Variants in FAM193A observed in about 807,000 individuals in gnomAD.
FAM193A encodes the protein protein FAM193A.
Under a neutral mutation model 126.5 loss-of-function variants are expected in FAM193A, and 22 were observed. That is an observed-to-expected ratio of 0.17 (90% confidence interval 0.12 to 0.25). FAM193A has a LOEUF of 0.25. Ranked by LOEUF, FAM193A falls within the 10% of genes least tolerant of loss-of-function variation. The pLI, the probability that FAM193A is intolerant of heterozygous loss-of-function variation, is 1.00. For synonymous variants in FAM193A, 761 were observed against 646.8 expected (o/e 1.18, Z -2.68); for missense variants, 1,675 against 1,672.8 (o/e 1.00, Z -0.02).
At chr4:2,552,570 G>A (rs1439060009) in intron 1 of FAM193A, among the ~76,000 whole-genome samples, 6 of 151,632 alleles carry the variant, frequency 4.0e-5, no homozygotes, top group African/African-American at 1.2e-4. Flanking sequence ...ACGGAGTCTC[G>A]CTCTGTCCCC....
At chr4:2,535,592 A>G (rs951683128), upstream of FAM193A, among the ~76,000 whole-genome samples, 26 of 152,194 alleles carry the variant, frequency 1.7e-4, no homozygotes, top group African/African-American at 6.3e-4. Context: ...CCCGGGTCTC[A>G]GGGCAGAGCT....
Position 2,700,502 on chromosome 4 carries a change from A to C in FAM193A, c.4330A>C (p.Lys1444Gln). 1 of 1,613,086 alleles carries C rather than the reference A, an allele frequency of 6.2e-7. No homozygotes were observed. The highest frequency in any genetic ancestry group is 8.5e-7 in the Non-Finnish European group (1 of 1,179,760). ...CCCTCAGCCAAAGGGCAAGAACAAG[A>C]AAAATAAGAAGAAGAAAGGAGACAG... ...ESPQPKGKNK[K>Q]NKKKKGDRVN... is the part of the protein sequence containing the mutation. The change falls in exon 19 of 21, where the codon AAA (lysine) becomes CAA (glutamine). Residue 1444 changes from lysine (K) to glutamine (Q), a missense_variant. Lys to Gln is a moderately conservative substitution (Grantham distance 53). Coordinates refer to ENST00000637812, the MANE Select transcript of FAM193A (RefSeq NM_001366318.2).
At chr4:2,719,354 G>A (rs971541662) in intron 20 of FAM193A, among the ~76,000 whole-genome samples, 5 of 152,082 alleles carry the variant, frequency 3.3e-5, no homozygotes, top group African/African-American at 4.8e-5. Flanking sequence ...TCAAAAAAAA[G>A]AAACAATATA....
At chr4:2,723,529 G>A (rs571375564) in intron 20 of FAM193A, among the ~76,000 whole-genome samples, 14 of 139,510 alleles carry the variant, frequency 1.0e-4, no homozygotes, top group Admixed American at 3.6e-4. Flanking sequence ...AGTTGAGATC[G>A]TGCCACTGCA....
intron 13 of FAM193A, among the ~76,000 whole-genome samples, chr4:2,676,456 G>A (rs1714414083): frequency 6.6e-6 from 1 of 152,104 alleles, no homozygotes; most frequent in African/African-American, 2.4e-5. Context: ...TTGACTATTC[G>A]TATATCTTCT....
chr4:2,595,912 G>A (rs1740832207), intron 1 of FAM193A, among the ~76,000 whole-genome samples, 172 bp from the exon 2 acceptor site: 1 of 152,130 alleles, frequency 6.6e-6, no homozygotes, highest in Non-Finnish European at 1.5e-5. Flanking sequence ...ACTATTTAAA[G>A]TATTACGAGT....
At chr4:2,633,318 G>C (rs971078916) in intron 5 of FAM193A, among the ~76,000 whole-genome samples, 1 of 152,120 alleles carries the variant, frequency 6.6e-6, no homozygotes, top group South Asian at 2.1e-4. Context: ...AGAATCACTT[G>C]AACCCGGGAG....
intron 1 of FAM193A, among the ~76,000 whole-genome samples, chr4:2,538,358 T>G (rs1243897655): frequency 1.3e-5 from 2 of 152,030 alleles, no homozygotes; most frequent in Non-Finnish European, 2.9e-5. Flanking sequence ...TGCGCCACCA[T>G]GCCCGGCTAA....
Position 2,659,835 on chromosome 4 carries a change from T to C in FAM193A, c.1526T>C (p.Leu509Pro). ...RRRCACDDCS[L>P]SHILTCGIMD... ...AGATGTGCTTGCGATGACTGCAGTCTCTCACACATCCTCACGTGTGGTATC... is the reference window on the plus strand; with the variant it reads ...AGATGTGCTTGCGATGACTGCAGTCCCTCACACATCCTCACGTGTGGTATC... Residue 509 changes from leucine (L) to proline (P), a missense_variant, in exon 10 of 21, where the codon CTC becomes CCC. By Grantham distance (98) the Leu-to-Pro change is moderately conservative. Around this residue, in one of 4 missense-constraint regions of FAM193A, gnomAD observed 1,186 missense variants for 1,109.2 expected, o/e 1.07. Transcript: ENST00000637812. 1 of 1,614,132 alleles carries C rather than the reference T, an allele frequency of 6.2e-7. No homozygotes were observed.
chr4:2,687,265 A>G (rs188932937), intron 13 of FAM193A, among the ~76,000 whole-genome samples: 105 of 152,312 alleles, frequency 6.9e-4, no homozygotes, highest in African/African-American at 2.4e-3. Context: ...AGTAGTCTCT[A>G]TATAGTAGTC....
At chr4:2,562,908 G>A (rs898775563) in intron 1 of FAM193A, among the ~76,000 whole-genome samples, 4 of 151,320 alleles carry the variant, frequency 2.6e-5, no homozygotes, top group Middle Eastern at 3.2e-3. Flanking sequence ...GATTACAGGC[G>A]TGAGCCACCA....
At chr4:2,711,497 G>T (rs1396169675) in intron 19 of FAM193A, among the ~76,000 whole-genome samples, 1 of 151,516 alleles carries the variant, frequency 6.6e-6, no homozygotes, top group African/African-American at 2.4e-5. Context: ...GCACCACCAC[G>T]CCTGGCTAAT....
chr4:2,650,208 C>G (rs1363115284), intron 7 of FAM193A, among the ~76,000 whole-genome samples: 1 of 152,204 alleles, frequency 6.6e-6, no homozygotes, highest in Admixed American at 6.5e-5. Flanking sequence ...CATCCCAGAA[C>G]CATCCCCTTG....
At chr4:2,613,134 G>A (rs1400193883) in intron 2 of FAM193A, among the ~76,000 whole-genome samples, 1 of 152,024 alleles carries the variant, frequency 6.6e-6, no homozygotes, top group Non-Finnish European at 1.5e-5. Context: ...AACTTTAGTA[G>A]TCAGTATATT....
intron 15 of FAM193A, among the ~76,000 whole-genome samples, chr4:2,692,669 A>G (rs1254607125): frequency 1.3e-5 from 2 of 152,212 alleles, no homozygotes; most frequent in Non-Finnish European, 2.9e-5. Context: ...GCCTATTAAA[A>G]ATGTTAAGTC....
rs191937497 is a variant in FAM193A, at chr4:2,561,697, G to A, written c.255+24527G>A. On this transcript the variant is annotated intron_variant, in intron 1 of 20. Transcript: ENST00000637812. Reference sequence around the variant, plus strand: ...TGTTTAGTACAGACGGGGTTTCACCGTGTTGGCCAGGCTGGTCTCGAACTC... The same window carrying A: ...TGTTTAGTACAGACGGGGTTTCACCATGTTGGCCAGGCTGGTCTCGAACTC... Among the ~76,000 whole-genome samples the A allele has an allele frequency of 4.7e-5, 7 of 150,260 alleles. No homozygotes were observed. The East Asian group carries it at 5.9e-4, about 13-fold the overall frequency.
At chr4:2,710,972 C>T (rs1246050189) in intron 19 of FAM193A, among the ~76,000 whole-genome samples, 2 of 151,692 alleles carry the variant, frequency 1.3e-5, no homozygotes, top group African/African-American at 2.4e-5. Flanking sequence ...CTGACTCAGC[C>T]TCCCAAGTAG....
intron 12 of FAM193A, among the ~76,000 whole-genome samples, chr4:2,668,785 C>CCT (rs552558950): frequency 1.3e-5 from 2 of 150,964 alleles, no homozygotes; most frequent in African/African-American, 2.4e-5. Context: ...TTTTCCTTTT[C>CCT]CTCTCTCTCT....
chr4:2,678,858 T>C (rs1433282093), intron 13 of FAM193A, among the ~76,000 whole-genome samples: 3 of 152,232 alleles, frequency 2.0e-5, no homozygotes, highest in Non-Finnish European at 2.9e-5. Context: ...TAAAATCATA[T>C]CATCTACAAA....
Sources: allele counts gnomAD v4.1 joint callset (sites outside exome capture counted in the v4.1 genomes callset), GRCh38; gene constraint gnomAD v4.1.1; regional missense constraint gnomAD v4.1.1; transcripts MANE v1.5; gene names NCBI Gene and HGNC (gene_info 2026-07-23, HGNC 2026-07-21).